The following SASH3 variants were observed in gnomAD, a reference collection of about 807,000 sequenced individuals.
SASH3 encodes SAM and SH3 domain-containing protein 3.
SASH3 carries 7 observed loss-of-function variants against 26.1 expected under a neutral mutation model. That is an observed-to-expected ratio of 0.27 (90% confidence interval 0.15 to 0.50). The LOEUF is 0.50. Ranked by LOEUF, SASH3 falls within the 20% of genes least tolerant of loss-of-function variation. SASH3 has a pLI of 0.98. For missense variants in SASH3, 231 were observed against 318.3 expected (o/e 0.73, Z 2.09); for synonymous variants, 138 against 136.8 (o/e 1.01, Z -0.06).
chrX:129,787,910 G>A, intron 1 of SASH3, 65 bp from the exon 2 acceptor site: 1 of 842,524 alleles, frequency 1.2e-6, no homozygotes, highest in Non-Finnish European at 1.8e-6. Flanking sequence ...GGTGGGGGGA[G>A]GCGAGTATGT....
intron 4 of SASH3, among the ~76,000 whole-genome samples, chrX:129,792,066 T>C (rs1372959555): frequency 5.4e-5 from 6 of 111,885 alleles, no homozygotes; most frequent in Admixed American, 4.7e-4. Flanking sequence ...AATTTGCCCA[T>C]TCTTTGGTCA....
intron 1 of SASH3, among the ~76,000 whole-genome samples, chrX:129,784,795 A>C (rs1927078068): frequency 1.8e-5 from 2 of 110,744 alleles, no homozygotes; most frequent in African/African-American, 6.6e-5. Context: ...TTTCTCCCAC[A>C]GTAACCACTA....
chrX:129,793,504 A>T, intron 7 of SASH3, 138 bp from the exon 8 acceptor site: 1 of 655,511 alleles, frequency 1.5e-6, no homozygotes, highest in Non-Finnish European at 2.3e-6. Context: ...AACAACTCCT[A>T]CCAGCTTCTA....
intron 1 of SASH3, among the ~76,000 whole-genome samples, chrX:129,786,427 C>T (rs920702346): frequency 3.6e-5 from 4 of 111,007 alleles, no homozygotes; most frequent in African/African-American, 9.8e-5. Flanking sequence ...ACTGGACACA[C>T]ACAACCCCTT....
chrX:129,788,919 A>G (rs1262618370), intron 3 of SASH3, among the ~76,000 whole-genome samples: 2 of 109,992 alleles, frequency 1.8e-5, no homozygotes, highest in Non-Finnish European at 3.8e-5. Context: ...CCTGGCCAAC[A>G]TGGCAAAACC....
At chrX:129,787,130 C>T (rs1019112831) in intron 1 of SASH3, among the ~76,000 whole-genome samples, 24 of 111,314 alleles carry the variant, frequency 2.2e-4, no homozygotes, top group Non-Finnish European at 4.2e-4. Context: ...GGTGAAACCC[C>T]GTCTCCACTA....
chrX:129,789,161 GAA>G lies in SASH3; in HGVS notation c.300+586_300+587del, dbSNP rs755191057. ...AGAAAGAAAGAAAGAAAGAAAGAAA[GAA>G]AGAGAAAAAAAAAAAAAAGAAAAGT... On this transcript the variant is annotated intron_variant, in intron 3 of 7. Coordinates refer to ENST00000356892, the MANE Select transcript of SASH3 (RefSeq NM_018990.4). Among the ~76,000 whole-genome samples, 150 of 61,427 alleles carry G rather than the reference GAA, an allele frequency of 2.4e-3. 1 individual carries two copies. Among genetic ancestry groups the G allele is most frequent in the African/African-American group, 0.011 (123 of 11,517 alleles). 53.3% of individuals were successfully genotyped at this position (61,427 alleles called of 115,157 possible).
In SASH3 at chrX:129,780,162, G is replaced by A. The variant is rs1926989686; in HGVS notation, c.57+8G>A. 1 of 1,199,958 alleles carries A rather than the reference G, an allele frequency of 8.3e-7. No individual in the cohort carries two copies. The highest frequency in any genetic ancestry group is 2.2e-5 in the Admixed American group (1 of 45,446). ...CCCACTCAGAAGAAAAAGGTGAGGA[G>A]CATTTTGGGAACTCACATCTTCCTT... is the stretch of plus-strand genomic sequence containing the variant. On this transcript the variant is annotated splice_region_variant and intron_variant, in intron 1 of 7. Transcript: ENST00000356892.
intron 3 of SASH3, among the ~76,000 whole-genome samples, chrX:129,790,207 A>T (rs758644656): frequency 8.0e-5 from 9 of 112,070 alleles, no homozygotes; most frequent in Non-Finnish European, 1.1e-4. Context: ...CATCCATAGC[A>T]TCTTCATGGT....
chrX:129,793,384 A>T (rs1327958603), intron 7 of SASH3, among the ~76,000 whole-genome samples: 1 of 112,696 alleles, frequency 8.9e-6, no homozygotes, highest in Non-Finnish European at 1.9e-5. Context: ...GCAAAGCCTT[A>T]CTTGAGGCCT....
chrX:129,787,568 T>C (rs1012915613), intron 1 of SASH3, among the ~76,000 whole-genome samples: 1 of 111,717 alleles, frequency 9.0e-6, no homozygotes, highest in African/African-American at 3.3e-5. Flanking sequence ...CCACGGGTTT[T>C]GGGAGGGATT....
chrX:129,788,347 G>A (rs1348451329), intron 2 of SASH3, 84 bp from the exon 3 acceptor site: 38 of 1,055,968 alleles, frequency 3.6e-5, no homozygotes, highest in Non-Finnish European at 4.7e-5. Context: ...AGCTTCTGCT[G>A]TGACCCCAAG....
At position 129,787,987 on chromosome X, in the gene SASH3, C is replaced by T. The variant is rs1927138603; in HGVS notation, c.70C>T (p.Arg24Cys). The T allele has an allele frequency of 8.3e-7, 1 of 1,209,807 alleles. No individual in the cohort carries two copies. The highest frequency in any genetic ancestry group is 1.1e-6 in the Non-Finnish European group (1 of 893,922). Residue 24 changes from arginine to cysteine, a missense_variant, in exon 2 of 8, where the codon CGC becomes TGC. Coordinates refer to ENST00000356892, the MANE Select transcript of SASH3 (RefSeq NM_018990.4). ...PTQKKKLSLQ[R>C]SSSFKDFAKS... is the part of the protein sequence containing the mutation. ...ACCCTTTTTCCAGCTCTCCCTTCAG[C>T]GCTCCAGCAGCTTCAAGGATTTTGC...
At chrX:129,793,229 C>A in intron 7 of SASH3, 90 bp downstream of exon 7, 1 of 1,018,924 alleles carries the variant, frequency 9.8e-7, no homozygotes, top group Non-Finnish European at 1.4e-6. Flanking sequence ...CTTCTGTCCA[C>A]GCTCTGCCCT....
intron 1 of SASH3, among the ~76,000 whole-genome samples, chrX:129,780,827 T>C (rs1468221816): frequency 1.8e-5 from 2 of 111,882 alleles, no homozygotes; most frequent in Non-Finnish European, 3.8e-5. Context: ...GAATGAGAAA[T>C]TAAGTTGAGG....
chrX:129,784,880 A>G (rs1053805509), intron 1 of SASH3, among the ~76,000 whole-genome samples: 1 of 110,462 alleles, frequency 9.1e-6, no homozygotes, highest in African/African-American at 3.3e-5. Flanking sequence ...CATATGGTGT[A>G]TATATACTCT....
chrX:129,788,204 C>T (rs1447428807), intron 2 of SASH3, 134 bp downstream of exon 2: 1 of 550,638 alleles, frequency 1.8e-6, no homozygotes, highest in Non-Finnish European at 2.9e-6. Context: ...TCCACCTCTC[C>T]CCACACCAAG....
At chrX:129,781,621 A>C (rs882431) in intron 1 of SASH3, among the ~76,000 whole-genome samples, 10,896 of 112,071 alleles carry the variant, frequency 0.097, 1,053 homozygotes, top group East Asian at 0.34. Flanking sequence ...ACACTTTGAC[A>C]CTGGGACCCT....
chrX:129,787,735 T>C (rs1927134066), intron 1 of SASH3, among the ~76,000 whole-genome samples: 1 of 111,861 alleles, frequency 8.9e-6, no homozygotes, highest in African/African-American at 3.2e-5. Flanking sequence ...TGAGGCCCGA[T>C]TGAGGTGTGA....
Sources: gnomAD v4.1 joint callset for allele counts (sites outside exome capture counted in the v4.1 genomes callset) on GRCh38, gnomAD v4.1.1 for gene constraint, MANE v1.5 for transcripts, NCBI Gene and HGNC (gene_info 2026-07-23, HGNC 2026-07-21) for gene names.